Variants in MADD observed in about 807,000 individuals in gnomAD.
MADD encodes the protein MAP kinase activating death domain.
Under a neutral mutation model 176.7 loss-of-function variants are expected in MADD, and 109 were observed. The observed-to-expected ratio is 0.62, with a 90% CI of 0.53 to 0.72. MADD has a LOEUF of 0.72. Among genes scored for constraint, MADD ranks in the 30% least tolerant of loss-of-function variants. MADD has a pLI of 0.00. For missense variants in MADD, 1,914 were observed against 2,045.5 expected, an observed-to-expected ratio of 0.94 and a Z score of 1.24; for synonymous variants, 771 against 771.3, an observed-to-expected ratio of 1.00 and a Z score of 0.01.
exon 33 of MADD, chr11:47,329,934 C>G (rs1371958583): frequency 3.9e-5 from 6 of 152,630 alleles, no homozygotes; most frequent in Admixed American, 6.5e-5. Flanking sequence ...GAGAGACAGC[C>G]TGGGTATGGG....
intron 22 of MADD, 94 bp from the exon 25 acceptor site, chr11:47,308,497 G>A: frequency 1.3e-6 from 1 of 788,606 alleles, no homozygotes; most frequent in African/African-American, 1.7e-5. Flanking sequence ...AATGGATGGT[G>A]ACTGGTGTGA....
exon 6 of MADD, chr11:47,278,202 C>T (rs1390870196): frequency 8.1e-6 from 13 of 1,614,034 alleles, no homozygotes; most frequent in Non-Finnish European, 1.0e-5. Flanking sequence ...ATTGGGGTTC[C>T]TGCCAGCTTC....
intron 30 of MADD, 90 bp downstream of exon 34, chr11:47,326,642 T>C: frequency 1.3e-6 from 2 of 1,536,690 alleles, no homozygotes; most frequent in South Asian, 1.2e-5. Flanking sequence ...AAATAGACTT[T>C]CTTTGTGTGG....
intron 2 of MADD, 81 bp from the exon 3 acceptor site, chr11:47,274,482 G>A (rs1028627463): frequency 9.5e-6 from 11 of 1,151,928 alleles, no homozygotes; most frequent in African/African-American, 1.5e-5. Context: ...AGCATCTTGA[G>A]CTTTATTTGT....
chr11:47,275,880 C>T lies in MADD; in HGVS notation c.660-19C>T. 1 of 1,591,330 alleles carries T rather than the reference C, an allele frequency of 6.3e-7. No homozygotes were observed. Among genetic ancestry groups the T allele is most frequent in the South Asian group, 1.1e-5 (1 of 88,678 alleles). On this transcript the variant is annotated intron_variant, in intron 3 of 32. Transcript: ENST00000402192. ...GCTTCTGATGCTAATGTGTCTGATT[C>T]CTGCTGTCTGCTTCTCAGGGACACC...
exon 6 of MADD, chr11:47,278,167 G>A (rs1483219754): frequency 6.2e-7 from 1 of 1,609,786 alleles, no homozygotes; most frequent in Non-Finnish European, 8.5e-7. Context: ...TTCCACAGCT[G>A]CTGTTGGCTC....
At chr11:47,309,562 T>C in exon 25 of MADD, 4 of 1,614,204 alleles carry the variant, frequency 2.5e-6, no homozygotes, top group Non-Finnish European at 2.5e-6. Context: ...TGAAGATCGC[T>C]TGTTGGCCAC....
Position 47,274,967 on chromosome 11 carries a change from C to A in MADD, c.467C>A (p.Ser156Tyr). 6.2e-7 allele frequency: 1 copy of A among 1,614,176 alleles called. No individual in the cohort carries two copies. The highest frequency in any genetic ancestry group is 1.1e-5 in the South Asian group (1 of 91,082). The change falls in exon 3 of 33, where the codon TCT (serine) becomes TAT (tyrosine). Residue 156 changes from serine to tyrosine, a missense_variant. This residue lies in a region of MADD where 1,767 missense variants were observed against 1,836.0 expected (regional missense o/e 0.96). Coordinates refer to ENST00000402192, the Ensembl canonical transcript of MADD. ...GACTCTACCCCTGATGTGAACCAGT[C>A]TCCTCGGGGCAAACGCCGGGCCAAG...
chr11:47,310,713 CT>C (rs112909520), intron 25 of MADD, among the ~76,000 whole-genome samples: 151,894 of 151,894 alleles, frequency 1, 75,947 homozygotes, highest in Non-Finnish European at 1. Context: ...CGAGACCAGC[CT>C]TGACCAATAT....
exon 8 of MADD, chr11:47,281,591 G>A (rs753891844): frequency 1.2e-6 from 2 of 1,610,770 alleles, no homozygotes; most frequent in African/African-American, 1.3e-5. Flanking sequence ...GCCAGCATGA[G>A]TCTCAACACC....
intron 31 of MADD, chr11:47,327,219 G>C (rs1469364782): frequency 2.0e-6 from 2 of 1,002,768 alleles, no homozygotes; most frequent in African/African-American, 1.7e-5. Flanking sequence ...GCGCCGCTCT[G>C]GTCTCCACCT....
At chr11:47,301,023 T>G (rs2077310405) in intron 22 of MADD, among the ~76,000 whole-genome samples, 1 of 151,422 alleles carries the variant, frequency 6.6e-6, no homozygotes, top group South Asian at 2.1e-4. Flanking sequence ...CTTTTCACTC[T>G]CTCTCTTTTT....
intron 22 of MADD, among the ~76,000 whole-genome samples, chr11:47,307,374 C>G (rs1284783892): frequency 6.6e-6 from 1 of 152,162 alleles, no homozygotes; most frequent in Non-Finnish European, 1.5e-5. Flanking sequence ...CGTATTTGTT[C>G]TATGCTGGTG....
At chr11:47,284,825 C>G in intron 12 of MADD, 116 bp from the exon 13 acceptor site, 1 of 1,437,178 alleles carries the variant, frequency 7.0e-7, no homozygotes, top group South Asian at 1.3e-5. Flanking sequence ...AGATCATTTC[C>G]CACACATTCC....
intron 15 of MADD, 105 bp downstream of exon 15, chr11:47,286,639 G>A: frequency 1.2e-6 from 1 of 807,130 alleles, no homozygotes; most frequent in Non-Finnish European, 2.0e-6. Context: ...TGACCTGGTT[G>A]TCGTCCCTCA....
intron 19 of MADD, among the ~76,000 whole-genome samples, chr11:47,293,154 A>T (rs2066906788): frequency 6.6e-6 from 1 of 152,030 alleles, no homozygotes; most frequent in East Asian, 1.9e-4. Context: ...TTCTTATCTC[A>T]TCGGGCCCAA....
chr11:47,310,381 A>G (rs1273609290), intron 25 of MADD, among the ~76,000 whole-genome samples: 2 of 143,662 alleles, frequency 1.4e-5, no homozygotes, highest in Admixed American at 1.4e-4. Context: ...GGGGTTTCAC[A>G]ATGTTGGCCA....
chr11:47,312,818 G>C (rs1196843926), intron 26 of MADD, among the ~76,000 whole-genome samples: 2 of 152,146 alleles, frequency 1.3e-5, no homozygotes, highest in African/African-American at 4.8e-5. Context: ...TTATTAGATT[G>C]ATTAATTATA....
At chr11:47,274,620 G>A (rs761119769) in exon 3 of MADD, 1 of 1,614,212 alleles carries the variant, frequency 6.2e-7, no homozygotes, top group Non-Finnish European at 8.5e-7. Context: ...GATACCCCTT[G>A]GAGGATCACA....
Sources: allele counts gnomAD v4.1 joint callset (sites outside exome capture counted in the v4.1 genomes callset), GRCh38; gene constraint gnomAD v4.1.1; regional missense constraint gnomAD v4.1.1; transcripts MANE v1.5; gene names NCBI Gene and HGNC (gene_info 2026-07-23, HGNC 2026-07-21).